NKAIN3: variants seen among roughly 807,000 people sequenced by gnomAD.
NKAIN3 encodes sodium/potassium-transporting ATPase subunit beta-1-interacting protein 3.
Under a neutral mutation model 30.2 loss-of-function variants are expected in NKAIN3, and 25 were observed. The observed-to-expected ratio is 0.83, with a 90% CI of 0.60 to 1.16. NKAIN3 has a LOEUF of 1.16. Ranked by LOEUF, NKAIN3 falls within the 50% of genes most tolerant of loss-of-function variation. NKAIN3 has a pLI of 0.00. For missense variants in NKAIN3, 225 were observed against 254.1 expected (o/e 0.89, Z 0.78); for synonymous variants, 91 against 89.6 (o/e 1.02, Z -0.09).
chr8:62,870,418 A>T (rs999010041), intron 4 of NKAIN3, among the ~76,000 whole-genome samples: 15 of 137,122 alleles, frequency 1.1e-4, no homozygotes, highest in Non-Finnish European at 2.1e-4. Context: ...TATACAATAT[A>T]TGTACATATA....
chr8:62,422,412 A>AT (rs1804670069), intron 1 of NKAIN3, among the ~76,000 whole-genome samples: 1 of 152,190 alleles, frequency 6.6e-6, no homozygotes, highest in South Asian at 2.1e-4. Context: ...ATGCTATGCC[A>AT]TGTAAATAGT....
intron 1 of NKAIN3, among the ~76,000 whole-genome samples, chr8:62,333,058 T>A (rs1394603243): frequency 6.6e-6 from 1 of 152,182 alleles, no homozygotes; most frequent in African/African-American, 2.4e-5. Flanking sequence ...GATTGTTTTT[T>A]AAAATGCACA....
At chr8:62,897,062 TG>T (rs965584259) in intron 4 of NKAIN3, among the ~76,000 whole-genome samples, 7 of 152,138 alleles carry the variant, frequency 4.6e-5, no homozygotes, top group Non-Finnish European at 7.4e-5. Context: ...GGAAAGAGTC[TG>T]TGCAAAGGAC....
chr8:62,657,477 T>C (rs1360588049), intron 3 of NKAIN3, among the ~76,000 whole-genome samples: 1 of 152,214 alleles, frequency 6.6e-6, no homozygotes, highest in African/African-American at 2.4e-5. Context: ...CTTCTTTTTA[T>C]CATCTTCTGT....
intron 1 of NKAIN3, among the ~76,000 whole-genome samples, chr8:62,395,041 G>C (rs1370649178): frequency 4.6e-4 from 68 of 149,414 alleles, no homozygotes; most frequent in African/African-American, 1.6e-3. Context: ...GGGCAGAGGC[G>C]CTCCTCACTT....
intron 1 of NKAIN3, among the ~76,000 whole-genome samples, chr8:62,364,899 C>G (rs1333065022): frequency 2.7e-5 from 4 of 146,506 alleles, no homozygotes; most frequent in Non-Finnish European, 6.0e-5. Flanking sequence ...GTTTTTCTTG[C>G]CTCAATCAAT....
At chr8:62,605,000 G>T (rs1229200320) in intron 3 of NKAIN3, among the ~76,000 whole-genome samples, 2 of 152,094 alleles carry the variant, frequency 1.3e-5, no homozygotes, top group Non-Finnish European at 2.9e-5. Flanking sequence ...CTTTGTCTCT[G>T]TAGGTGTAGG....
At chr8:62,822,072 G>T (rs1244589662) in intron 4 of NKAIN3, among the ~76,000 whole-genome samples, 2 of 152,064 alleles carry the variant, frequency 1.3e-5, no homozygotes, top group Non-Finnish European at 2.9e-5. Flanking sequence ...CTCATTACTG[G>T]TTTACAACCC....
intron 1 of NKAIN3, among the ~76,000 whole-genome samples, chr8:62,469,219 A>T (rs1403749328): frequency 6.6e-6 from 1 of 152,200 alleles, no homozygotes; most frequent in East Asian, 1.9e-4. Flanking sequence ...CCCTAGGAAT[A>T]GATTCTAATC....
chr8:62,507,045 T>C (rs963893945), intron 1 of NKAIN3, among the ~76,000 whole-genome samples: 1 of 152,182 alleles, frequency 6.6e-6, no homozygotes, highest in African/African-American at 2.4e-5. Flanking sequence ...TAATGTAAAA[T>C]GTTTTTGATT....
In NKAIN3 at chr8:62,324,541, T is replaced by C. The variant is rs138524435; in HGVS notation, c.54+75414T>C. On this transcript the variant is annotated intron_variant, in intron 1 of 6. Transcript: ENST00000623646. The stretch of plus-strand genomic sequence containing the variant: ...GAATTAATAAGATGCATATTAGAAA[T>C]GGGTTGTTTTATCAATTCTTATGTA... 9.0e-3 allele frequency among the ~76,000 whole-genome samples: 1,367 copies of C among 152,234 alleles called. 30 individuals carry two copies. The highest frequency in any genetic ancestry group is 0.031 in the African/African-American group (1,291 of 41,558).
chr8:62,322,597 T>C lies in NKAIN3; in HGVS notation c.54+73470T>C, dbSNP rs141468836. ...TCCAAGCATTTCAGATAAGGGATAC[T>C]CAACCTGTATTGGAAAACCATGTTA... On this transcript the variant is annotated intron_variant, in intron 1 of 6. Transcript: ENST00000623646. Among the ~76,000 whole-genome samples the C allele has an allele frequency of 2.8e-3, 429 of 152,330 alleles. 1 individual carries two copies. Among genetic ancestry groups the C allele is most frequent in the Middle Eastern group, 0.024 (7 of 294 alleles).
chr8:62,754,821 G>C (rs1165938018), intron 4 of NKAIN3, among the ~76,000 whole-genome samples: 1 of 152,116 alleles, frequency 6.6e-6, no homozygotes. Context: ...ATAGCTATCT[G>C]TTCATATGCT....
chr8:62,609,256 C>T (rs79701164), intron 3 of NKAIN3, among the ~76,000 whole-genome samples: 9,100 of 152,166 alleles, frequency 0.06, 358 homozygotes, highest in East Asian at 0.14. Flanking sequence ...CCTCAAGTAG[C>T]TTGAGGTGCT....
At chr8:62,710,668 T>G (rs1814685289) in intron 3 of NKAIN3, among the ~76,000 whole-genome samples, 1 of 152,224 alleles carries the variant, frequency 6.6e-6, no homozygotes, top group Non-Finnish European at 1.5e-5. Flanking sequence ...TTCTTATCCA[T>G]TCTGTGGTTC....
intron 4 of NKAIN3, among the ~76,000 whole-genome samples, chr8:62,868,378 A>G (rs17273556): frequency 0.028 from 3,826 of 137,744 alleles, 57 homozygotes; most frequent in Non-Finnish European, 0.041. Context: ...ATTTGCTTCT[A>G]TTATAAACTA....
At chr8:62,873,800 C>G (rs1352676865) in intron 4 of NKAIN3, among the ~76,000 whole-genome samples, 1 of 151,864 alleles carries the variant, frequency 6.6e-6, no homozygotes, top group African/African-American at 2.4e-5. Flanking sequence ...AACAAAGAGG[C>G]AATATACCAG....
At chr8:62,305,179 A>AT (rs371838043) in intron 1 of NKAIN3, among the ~76,000 whole-genome samples, 1,976 of 146,808 alleles carry the variant, frequency 0.013, 33 homozygotes, top group Non-Finnish European at 0.02. Flanking sequence ...TACTTAAAGG[A>AT]TTTTTTTTTT....
At chr8:62,942,415 A>T (rs1822993117) in intron 5 of NKAIN3, among the ~76,000 whole-genome samples, 1 of 151,440 alleles carries the variant, frequency 6.6e-6, no homozygotes, top group Non-Finnish European at 1.5e-5. Flanking sequence ...ATGCTCATGG[A>T]TGCATAGAAT....
Sources: allele counts gnomAD v4.1 joint callset (sites outside exome capture counted in the v4.1 genomes callset), GRCh38; gene constraint gnomAD v4.1.1; transcripts MANE v1.5; gene names NCBI Gene and HGNC (gene_info 2026-07-23, HGNC 2026-07-21).